BNC2: variants seen among roughly 807,000 people sequenced by gnomAD.
BNC2 encodes the protein zinc finger protein basonuclin-2.
BNC2 carries 20 observed loss-of-function variants against 76.3 expected under a neutral mutation model. The ratio of observed to expected loss-of-function variants is 0.26; its 90% CI spans 0.18 to 0.38. The LOEUF is 0.38. Among genes scored for constraint, BNC2 ranks in the 10% least tolerant of loss-of-function variants. BNC2 has a pLI of 1.00. For missense variants in BNC2, 1,382 were observed against 1,399.8 expected, an observed-to-expected ratio of 0.99 and a Z score of 0.20; for synonymous variants, 582 against 514.8, an observed-to-expected ratio of 1.13 and a Z score of -1.77.
At chr9:16,523,114 G>C (rs1587129930) in intron 5 of BNC2, among the ~76,000 whole-genome samples, 1 of 152,264 alleles carries the variant, frequency 6.6e-6, no homozygotes, top group East Asian at 1.9e-4. Context: ...CTATTCGTGT[G>C]TTTTCAAAGC....
chr9:16,490,930 T>C lies in BNC2; in HGVS notation c.670-53406A>G, dbSNP rs190267065. On this transcript the variant is annotated intron_variant, in intron 5 of 6. Transcript: ENST00000380672. ...TTCCTTGGAAGAGAGTCAAGCAGAATTGAATAAGGACTTTTAGGACATGAA... is the reference window on the plus strand; with the variant it reads ...TTCCTTGGAAGAGAGTCAAGCAGAACTGAATAAGGACTTTTAGGACATGAA... Among the ~76,000 whole-genome samples, 284 of 151,928 alleles carry C rather than the reference T, an allele frequency of 1.9e-3. 1 individual carries two copies. Among genetic ancestry groups the C allele is most frequent in the African/African-American group, 6.2e-3 (256 of 41,448 alleles).
rs148607163 is a variant in BNC2 at position 16,725,225 on chromosome 9, A to T, written c.330+2572T>A. The stretch of plus-strand genomic sequence containing the variant: ...CAATAAGTCTCTCTCTCTCACACAC[A>T]CACACACACACACACACACACACAC... On this transcript the variant is annotated intron_variant, in intron 3 of 6. Transcript: ENST00000380672. 7.8e-3 allele frequency among the ~76,000 whole-genome samples: 1,166 copies of T among 150,254 alleles called. 16 individuals carry two copies. The highest frequency in any genetic ancestry group is 0.023 in the African/African-American group (932 of 41,314).
intron 4 of BNC2, among the ~76,000 whole-genome samples, chr9:16,565,517 T>G (rs1435513230): frequency 1.3e-5 from 2 of 152,052 alleles, no homozygotes; most frequent in Admixed American, 6.6e-5. Flanking sequence ...AACAGACTTT[T>G]AAAAATTACA....
At chr9:16,722,295 A>T (rs1824180197) in intron 3 of BNC2, among the ~76,000 whole-genome samples, 1 of 152,188 alleles carries the variant, frequency 6.6e-6, no homozygotes, top group Admixed American at 6.5e-5. Flanking sequence ...CTTACTCAGC[A>T]TCTAATTAGT....
In BNC2 at chr9:16,578,901, T is replaced by A. The variant is rs577183779; in HGVS notation, c.433+4082A>T. On this transcript the variant is annotated intron_variant, in intron 4 of 6. Transcript: ENST00000380672. ...TAGTGGCAGTAAACTGGAGTCCTTTTACAGAGACTTGACAGAATTAGAAAT... is the reference window on the plus strand; with the variant it reads ...TAGTGGCAGTAAACTGGAGTCCTTTAACAGAGACTTGACAGAATTAGAAAT... Among the ~76,000 whole-genome samples, 552 of 152,322 alleles carry A rather than the reference T, an allele frequency of 3.6e-3. 3 individuals carry two copies. The highest frequency in any genetic ancestry group is 0.012 in the African/African-American group (516 of 41,572).
chr9:16,699,715 T>C (rs185478585), intron 3 of BNC2, among the ~76,000 whole-genome samples: 42 of 152,364 alleles, frequency 2.8e-4, no homozygotes, highest in African/African-American at 9.1e-4. Flanking sequence ...CCCCATTTTA[T>C]AAATGAAGCA....
At chr9:16,837,131 T>C (rs773091124) in intron 1 of BNC2, among the ~76,000 whole-genome samples, 4 of 152,218 alleles carry the variant, frequency 2.6e-5, no homozygotes, top group South Asian at 2.1e-4. Flanking sequence ...TATCTTTTCA[T>C]GTTTTTGAAC....
In BNC2 at chr9:16,418,954, G is replaced by A. The variant is rs1458937085; in HGVS notation, c.*35C>T. ...GGCAGTTCAAACACGTAGGCCATCT[G>A]GTGAGAGCTGGCATTTGTAGTGTCC... On this transcript the variant is annotated 3_prime_UTR_variant, in exon 7 of 7. Coordinates refer to ENST00000380672, the MANE Select transcript of BNC2 (RefSeq NM_017637.6). The A allele has an allele frequency of 3.1e-6, 5 of 1,608,424 alleles. No homozygotes were observed. The highest frequency in any genetic ancestry group is 1.3e-5 in the African/African-American group (1 of 74,686).
At chr9:16,780,344 C>T (rs1826116826) in intron 1 of BNC2, among the ~76,000 whole-genome samples, 1 of 151,310 alleles carries the variant, frequency 6.6e-6, no homozygotes, top group Non-Finnish European at 1.5e-5. Context: ...GAGGCCGAGG[C>T]TGGCAGATCA....
At chr9:16,503,364 T>G (rs1287526655) in intron 5 of BNC2, among the ~76,000 whole-genome samples, 2 of 152,150 alleles carry the variant, frequency 1.3e-5, no homozygotes, top group African/African-American at 4.8e-5. Flanking sequence ...GGAGACAAAT[T>G]AACAATCCTG....
At position 16,771,161 on chromosome 9, in the gene BNC2, T is replaced by A. The variant is rs185949822; in HGVS notation, c.4-32676A>T. Among the ~76,000 whole-genome samples, 6 of 152,200 alleles carry A rather than the reference T, an allele frequency of 3.9e-5. No individual in the cohort carries two copies. The East Asian group carries it at 1.2e-3, about 29-fold the overall frequency. ...TCCAGCCTGGGTGACAGAGCGAGAC[T>A]CTGTCCCCCAAAAAAAGAATTCTTA... On this transcript the variant is annotated intron_variant, in intron 1 of 6. Coordinates refer to ENST00000380672, the MANE Select transcript of BNC2 (RefSeq NM_017637.6).
intron 3 of BNC2, among the ~76,000 whole-genome samples, chr9:16,711,584 G>A (rs1423707848): frequency 6.6e-6 from 1 of 152,160 alleles, no homozygotes; most frequent in Non-Finnish European, 1.5e-5. Flanking sequence ...GTGATACTTT[G>A]TTTTCAAATA....
chr9:16,771,272 G>A (rs1185940466), intron 1 of BNC2, among the ~76,000 whole-genome samples: 8 of 152,216 alleles, frequency 5.3e-5, no homozygotes, highest in African/African-American at 1.4e-4. Context: ...GTGAAAAAAG[G>A]TATCAATTTG....
chr9:16,566,906 G>A (rs952748169), intron 4 of BNC2, among the ~76,000 whole-genome samples: 2 of 151,992 alleles, frequency 1.3e-5, no homozygotes, highest in African/African-American at 4.8e-5. Context: ...TCTGGAAAAA[G>A]CAAAAGCTTT....
chr9:16,783,898 CTTTTA>C (rs1826214303), intron 1 of BNC2, among the ~76,000 whole-genome samples: 1 of 152,028 alleles, frequency 6.6e-6, no homozygotes, highest in African/African-American at 2.4e-5. Context: ...TTTTAAAATT[CTTTTA>C]TATTTTTAAA....
At chr9:16,763,289 G>T (rs1219149920) in intron 1 of BNC2, among the ~76,000 whole-genome samples, 1 of 152,078 alleles carries the variant, frequency 6.6e-6, no homozygotes, top group African/African-American at 2.4e-5. Flanking sequence ...CACCTTCAGG[G>T]TCAGGCATGG....
chr9:16,692,627 A>G (rs1269092842), intron 3 of BNC2, among the ~76,000 whole-genome samples: 1 of 152,130 alleles, frequency 6.6e-6, no homozygotes, highest in Non-Finnish European at 1.5e-5. Context: ...TGAGACCACG[A>G]TGGAAGCCGC....
chr9:16,570,163 A>G (rs1474711381), intron 4 of BNC2, among the ~76,000 whole-genome samples: 2 of 152,348 alleles, frequency 1.3e-5, no homozygotes, highest in African/African-American at 4.8e-5. Context: ...AAGGCAAGGC[A>G]TATTTACTAT....
chr9:16,679,840 C>G (rs1333322824), intron 3 of BNC2, among the ~76,000 whole-genome samples: 5 of 152,236 alleles, frequency 3.3e-5, no homozygotes. Context: ...GAGTTCCTAA[C>G]CTTGTTGTTT....
Sources: gnomAD v4.1 joint callset for allele counts (sites outside exome capture counted in the v4.1 genomes callset) on GRCh38, gnomAD v4.1.1 for gene constraint, MANE v1.5 for transcripts, NCBI Gene and HGNC (gene_info 2026-07-23, HGNC 2026-07-21) for gene names.